Variants in SEPHS1 observed in about 807,000 individuals in gnomAD.
SEPHS1 encodes zincore component SEPHS1.
In SEPHS1, 7 loss-of-function variants were observed where a neutral mutation model predicts 39.2. The ratio of observed to expected loss-of-function variants is 0.18; its 90% CI spans 0.10 to 0.34. The LOEUF (loss-of-function observed/expected upper bound fraction) is 0.34. SEPHS1 is among the 10% of genes least tolerant of loss of function. The probability of loss-of-function intolerance (pLI) is 1.00; values close to 1 mark genes in which losing one functional copy is unlikely to be tolerated. For missense variants in SEPHS1, 253 were observed against 514.5 expected, an observed-to-expected ratio of 0.49 and a Z score of 4.92; for synonymous variants, 190 against 195.5, an observed-to-expected ratio of 0.97 and a Z score of 0.23.
At chr10:13,341,837 T>C (rs1833793599) in intron 2 of SEPHS1, among the ~76,000 whole-genome samples, 1 of 151,806 alleles carries the variant, frequency 6.6e-6, no homozygotes, top group Non-Finnish European at 1.5e-5. Flanking sequence ...TGCACGTCTG[T>C]CATTCCAGCT....
intron 7 of SEPHS1, among the ~76,000 whole-genome samples, chr10:13,326,703 C>T (rs546580413): frequency 3.4e-4 from 51 of 151,958 alleles, no homozygotes; most frequent in Non-Finnish European, 5.7e-4. Flanking sequence ...ATGCACCAGG[C>T]GCAGCTAAAG....
chr10:13,343,631 T>A (rs1043437641), intron 2 of SEPHS1, among the ~76,000 whole-genome samples: 1 of 151,452 alleles, frequency 6.6e-6, no homozygotes, highest in Non-Finnish European at 1.5e-5. Context: ...CTGGCCAACA[T>A]GGTAAAACTC....
chr10:13,344,028 A>G (rs1005328389), intron 2 of SEPHS1, among the ~76,000 whole-genome samples: 7 of 152,204 alleles, frequency 4.6e-5, no homozygotes, highest in African/African-American at 1.7e-4. Context: ...GACATCAGGA[A>G]TGTAGTAAAG....
At position 13,317,440 on chromosome 10, in the gene SEPHS1, G is replaced by A. The variant is rs1215182457; in HGVS notation, c.*1702C>T. The A allele has an allele frequency of 6.8e-6, 1 of 146,356 alleles. No individual in the cohort carries two copies. The highest frequency in any genetic ancestry group is 1.5e-5 in the Non-Finnish European group (1 of 67,034). The allele number at this position is 146,356 out of a possible 1,614,324, so 9.1% of individuals were successfully genotyped here. A position where few individuals can be genotyped will look rare whatever the true frequency, so the allele number is the denominator to read the frequency against. On this transcript the variant is annotated 3_prime_UTR_variant, in exon 9 of 9. Transcript: ENST00000327347. ...GCTCAACAGTAGGTTTATCTCACTAGAGGTTTCCAACACACTTTATTTTGC... is the reference window on the plus strand; with the variant it reads ...GCTCAACAGTAGGTTTATCTCACTAAAGGTTTCCAACACACTTTATTTTGC...
At chr10:13,346,477 A>T (rs982300256) in intron 1 of SEPHS1, among the ~76,000 whole-genome samples, 20 of 152,184 alleles carry the variant, frequency 1.3e-4, no homozygotes, top group Admixed American at 1.1e-3. Context: ...ATGAGCAATG[A>T]TTTCGGTGGG....
chr10:13,325,925 AAAAAAAAAG>A (rs1833259287), intron 7 of SEPHS1, among the ~76,000 whole-genome samples: 1 of 67,378 alleles, frequency 1.5e-5, no homozygotes, highest in African/African-American at 1.3e-4. Flanking sequence ...AAAAAAAAAA[AAAAAAAAAG>A]AGACTCAGTC....
intron 2 of SEPHS1, among the ~76,000 whole-genome samples, chr10:13,342,737 ATCT>A (rs1378797084): frequency 6.6e-6 from 1 of 151,722 alleles, no homozygotes. Flanking sequence ...CAAAACAGTA[ATCT>A]TTTTTTTTTT....
intron 1 of SEPHS1, among the ~76,000 whole-genome samples, chr10:13,345,828 G>C: frequency 6.6e-6 from 1 of 152,230 alleles, no homozygotes; most frequent in East Asian, 1.9e-4. Context: ...AGTGAGCCGA[G>C]ATCGAGCCAC....
At position 13,344,940 on chromosome 10, in the gene SEPHS1, C is replaced by G; in HGVS notation, c.11G>C (p.Arg4Pro). 6.4e-7 allele frequency: 1 copy of G among 1,565,594 alleles called. No individual in the cohort carries two copies. Among genetic ancestry groups the G allele is most frequent in the South Asian group, 1.2e-5 (1 of 82,890 alleles). Residue 4 changes from arginine to proline, a missense_variant, in exon 2 of 9, where the codon CGG (arginine) becomes CCG (proline). Arg to Pro is a moderately radical substitution (Grantham distance 103). Transcript: ENST00000327347. MST[R>P]ESFNPESYEL... The stretch of plus-strand genomic sequence containing the variant: ...GTAACTTTCCGGGTTAAAGGACTCC[C>G]GCGTAGACATGGTTCTTGGGCCCCG...
intron 6 of SEPHS1, among the ~76,000 whole-genome samples, chr10:13,329,146 A>T (rs1189980539): frequency 6.6e-6 from 1 of 152,222 alleles, no homozygotes; most frequent in Non-Finnish European, 1.5e-5. Flanking sequence ...CCAATCTTAA[A>T]GTATGATTAT....
In SEPHS1 at chr10:13,344,917, A is replaced by G. The variant is rs762547449; in HGVS notation, c.34T>C (p.Tyr12His). ...STRESFNPES[Y>H]ELDKSFRLTR... ...AGCCGGAAGCTTTTGTCCAATTCGT[A>G]ACTTTCCGGGTTAAAGGACTCCCGC... Residue 12 changes from tyrosine (Y) to histidine (H), a missense_variant, in exon 2 of 9, where the codon TAC becomes CAC. Coordinates refer to ENST00000327347, the MANE Select transcript of SEPHS1 (RefSeq NM_012247.5). 1.9e-6 allele frequency: 3 copies of G among 1,593,448 alleles called. No individual in the cohort carries two copies. Among genetic ancestry groups the G allele is most frequent in the Non-Finnish European group, 8.6e-7 (1 of 1,168,894 alleles).
At chr10:13,326,064 G>A (rs976448546) in intron 7 of SEPHS1, among the ~76,000 whole-genome samples, 37 of 151,642 alleles carry the variant, frequency 2.4e-4, no homozygotes, top group Non-Finnish European at 2.4e-4. Flanking sequence ...TAATCTTCAC[G>A]AAAGGTATAA....
At chr10:13,327,756 G>A (rs886816128) in intron 7 of SEPHS1, among the ~76,000 whole-genome samples, 4 of 152,136 alleles carry the variant, frequency 2.6e-5, no homozygotes, top group Non-Finnish European at 5.9e-5. Flanking sequence ...TGAAACAGGA[G>A]AGCAGAGAAG....
chr10:13,343,390 C>A (rs947594044), intron 2 of SEPHS1, among the ~76,000 whole-genome samples: 2 of 152,146 alleles, frequency 1.3e-5, no homozygotes, highest in Non-Finnish European at 2.9e-5. Context: ...TCACCAGCGA[C>A]TGGGGTGTAA....
At chr10:13,347,589 G>A (rs1400577385) in intron 1 of SEPHS1, among the ~76,000 whole-genome samples, 1 of 147,208 alleles carries the variant, frequency 6.8e-6, no homozygotes, top group Non-Finnish European at 1.5e-5. Context: ...CAGGGCCCGC[G>A]CGGAGAAAAG....
At chr10:13,340,305 G>A (rs939964531) in intron 2 of SEPHS1, among the ~76,000 whole-genome samples, 4 of 151,810 alleles carry the variant, frequency 2.6e-5, no homozygotes, top group African/African-American at 4.8e-5. Context: ...GGAAGACCTC[G>A]CTTAGGGAAT....
At chr10:13,330,620 C>G (rs1298650933) in intron 5 of SEPHS1, among the ~76,000 whole-genome samples, 2 of 152,128 alleles carry the variant, frequency 1.3e-5, no homozygotes, top group Non-Finnish European at 2.9e-5. Context: ...TCCTCAGGTA[C>G]TCACCCAAGT....
At chr10:13,337,184 G>T (rs554303259) in intron 3 of SEPHS1, among the ~76,000 whole-genome samples, 38 of 151,996 alleles carry the variant, frequency 2.5e-4, no homozygotes, top group African/African-American at 8.4e-4. Flanking sequence ...AAAAATTTTT[G>T]TAGCTTCTTT....
chr10:13,338,841 T>C (rs780772650), intron 2 of SEPHS1, 33 bp from the exon 3 acceptor site: 3 of 1,509,162 alleles, frequency 2.0e-6, no homozygotes, highest in Non-Finnish European at 1.8e-6. Context: ...CATCCAAAAA[T>C]AAAACGGGAA....
Sources: allele counts gnomAD v4.1 joint callset (sites outside exome capture counted in the v4.1 genomes callset), GRCh38; gene constraint gnomAD v4.1.1; transcripts MANE v1.5; gene names NCBI Gene and HGNC (gene_info 2026-07-23, HGNC 2026-07-21).